The following ZNF658 variants were observed in gnomAD, a reference collection of about 807,000 sequenced individuals.
ZNF658 encodes the protein zinc finger protein 658.
Under a neutral mutation model 78.0 loss-of-function variants are expected in ZNF658, and 46 were observed. That is an observed-to-expected ratio of 0.59 (90% CI 0.47 to 0.75). The LOEUF is 0.75. ZNF658 is among the 30% of genes least tolerant of loss of function. ZNF658 has a pLI of 0.00. For missense variants in ZNF658, 785 were observed against 1,189.3 expected, an observed-to-expected ratio of 0.66 and a Z score of 5.00; for synonymous variants, 279 against 408.4, an observed-to-expected ratio of 0.68 and a Z score of 3.82.
rs771433662 is a variant in ZNF658, at chr9:66,908,718, G to A, written c.222G>A (p.Leu74=). 2 of 1,610,808 alleles carry A rather than the reference G, an allele frequency of 1.2e-6. No homozygotes were observed. The highest frequency in any genetic ancestry group is 2.7e-5 in the African/African-American group (2 of 74,694). The change falls in exon 4 of 5, where the codon CTG becomes CTA. Residue 74 remains leucine, a synonymous_variant. Transcript: ENST00000621410. ...EEPWSLEDEF[L]NQRYPGYFKV... is the part of the protein sequence containing the mutation. ...CATGGTCTTTAGAAGATGAATTCCTGAACCAGAGGTACCCAGGTGAGTGGG... is the reference window on the plus strand; with the variant it reads ...CATGGTCTTTAGAAGATGAATTCCTAAACCAGAGGTACCCAGGTGAGTGGG...
chr9:66,909,277 G>A (rs1303914249), intron 4 of ZNF658, among the ~76,000 whole-genome samples: 2 of 151,524 alleles, frequency 1.3e-5, no homozygotes, highest in Non-Finnish European at 2.9e-5. Context: ...TGCAGCCCTA[G>A]GTAACCACAG....
chr9:66,926,323 A>G (rs1189872575), downstream of ZNF658, among the ~76,000 whole-genome samples: 1 of 148,466 alleles, frequency 6.7e-6, no homozygotes, highest in Non-Finnish European at 1.5e-5. Context: ...TCTAATATAC[A>G]GAAAACTCTA....
At chr9:66,925,669 G>T (rs565742323), downstream of ZNF658, among the ~76,000 whole-genome samples, 22 of 152,126 alleles carry the variant, frequency 1.4e-4, no homozygotes, top group African/African-American at 5.1e-4. Context: ...ATTTAAAGAA[G>T]AATTAATACC....
intron 4 of ZNF658, among the ~76,000 whole-genome samples, chr9:66,917,201 G>C (rs1410160091): frequency 1.4e-5 from 1 of 73,862 alleles, no homozygotes; most frequent in Non-Finnish European, 2.6e-5. Flanking sequence ...TCGTATATTT[G>C]TATATTTGTT....
Position 66,918,899 on chromosome 9 carries a change from T to C in ZNF658, c.1333T>C (p.Cys445Arg), listed in dbSNP as rs1189439796. ...VGFKLYECNECGKAFCQNSNL... is the reference protein window; with the variant it reads ...VGFKLYECNERGKAFCQNSNL... ...ATTCAAACTTTATGAATGTAATGAA[T>C]GTGGGAAAGCTTTCTGTCAGAATTC... The change falls in exon 5 of 5, where the codon TGT becomes CGT. Residue 445 changes from cysteine to arginine, a missense_variant. Physicochemically the swap from Cys to Arg is radical, Grantham distance 180. Around this residue, in one of 12 missense-constraint regions of ZNF658, gnomAD observed 393 missense variants for 400.2 expected, o/e 0.98. Transcript: ENST00000621410. 3.2e-6 allele frequency: 5 copies of C among 1,576,724 alleles called. No individual in the cohort carries two copies. Among genetic ancestry groups the C allele is most frequent in the Non-Finnish European group, 3.5e-6 (4 of 1,158,612 alleles).
intron 6 of ZNF658, among the ~76,000 whole-genome samples, chr9:66,929,251 C>A: frequency 7.3e-6 from 1 of 136,582 alleles, no homozygotes; most frequent in Middle Eastern, 3.6e-3. Flanking sequence ...CGACCCTGAA[C>A]ACTAACCTTG....
chr9:66,930,637 G>A (rs1219961402), intron 6 of ZNF658, among the ~76,000 whole-genome samples: 5 of 151,926 alleles, frequency 3.3e-5, no homozygotes, highest in South Asian at 4.2e-4. Context: ...GTGAAATGCC[G>A]TCTCTACTAA....
Position 66,920,380 on chromosome 9 carries a change from C to A in ZNF658, c.2814C>A (p.Tyr938Ter). The change falls in exon 5 of 5, where the codon TAC becomes TAA. Residue 938 changes from tyrosine (Y) to a stop codon, truncating the protein, a stop_gained. Transcript: ENST00000621410. LOFTEE classifies it high-confidence loss of function. ...HQRVHTGEKPYECNVCGKPFA... is the reference protein window; with the variant it reads ...HQRVHTGEKP ...GAGTTCATACGGGGGAGAAACCCTA[C>A]GAATGTAATGTATGTGGGAAGCCAT... 6.2e-7 allele frequency: 1 copy of A among 1,612,922 alleles called. No homozygotes were observed. The highest frequency in any genetic ancestry group is 8.5e-7 in the Non-Finnish European group (1 of 1,179,844).
intron 4 of ZNF658, among the ~76,000 whole-genome samples, chr9:66,914,342 A>G (rs1435779359): frequency 2.6e-5 from 4 of 151,884 alleles, no homozygotes; most frequent in African/African-American, 7.2e-5. Context: ...ATAGATTTGT[A>G]TATTGGCCTT....
chr9:66,914,398 T>C (rs915162508), intron 4 of ZNF658, among the ~76,000 whole-genome samples: 4 of 152,108 alleles, frequency 2.6e-5, no homozygotes, highest in African/African-American at 9.7e-5. Flanking sequence ...AGGAACTTTT[T>C]TGATTTTAAA....
intron 4 of ZNF658, among the ~76,000 whole-genome samples, chr9:66,914,708 C>A (rs1385819182): frequency 6.6e-6 from 1 of 152,002 alleles, no homozygotes; most frequent in Non-Finnish European, 1.5e-5. Context: ...ACCTGAAATG[C>A]AGCATAAAAA....
At chr9:66,927,365 G>A (rs1216189813) in intron 6 of ZNF658, among the ~76,000 whole-genome samples, 2 of 151,884 alleles carry the variant, frequency 1.3e-5, no homozygotes, top group East Asian at 1.9e-4. Flanking sequence ...GTGTTGGAAG[G>A]GATGTGGAGA....
At chr9:66,925,528 A>T (rs2118130058), downstream of ZNF658, among the ~76,000 whole-genome samples, 1 of 152,216 alleles carries the variant, frequency 6.6e-6, no homozygotes, top group East Asian at 1.9e-4. Context: ...ACCTACCAAG[A>T]GTGCATCATG....
At chr9:66,909,601 T>G (rs1036700411) in intron 4 of ZNF658, among the ~76,000 whole-genome samples, 1 of 151,960 alleles carries the variant, frequency 6.6e-6, no homozygotes, top group Non-Finnish European at 1.5e-5. Flanking sequence ...AACTGCTGGG[T>G]CATATGGTAT....
Position 66,918,623 on chromosome 9 carries a change from G to T in ZNF658, c.1057G>T (p.Gly353Cys). 9.9e-6 allele frequency: 16 copies of T among 1,609,954 alleles called. No individual in the cohort carries two copies. Among genetic ancestry groups the T allele is most frequent in the Non-Finnish European group, 1.4e-5 (16 of 1,176,626 alleles). Reference sequence around the variant, plus strand: ...GAAAACACAAGCTGGAGATAAATTTGGTGAACATAATGAATGTACAGATGC... The same window carrying T: ...GAAAACACAAGCTGGAGATAAATTTTGTGAACATAATGAATGTACAGATGC... Reference protein sequence around the residue: ...HQKTQAGDKFGEHNECTDALY... With the variant: ...HQKTQAGDKFCEHNECTDALY... Residue 353 changes from glycine to cysteine, a missense_variant, in exon 5 of 5, where the codon GGT (glycine) becomes TGT (cysteine). Coordinates refer to ENST00000621410, the MANE Select transcript of ZNF658 (RefSeq NM_033160.7).
chr9:66,922,299 C>T (rs992092529), downstream of ZNF658, among the ~76,000 whole-genome samples: 54 of 152,206 alleles, frequency 3.5e-4, no homozygotes, highest in Middle Eastern at 3.4e-3. Context: ...TTCTGCTTCC[C>T]GGGTGAGGCA....
intron 6 of ZNF658, among the ~76,000 whole-genome samples, chr9:66,930,740 G>A (rs1158409062): frequency 6.6e-6 from 1 of 151,734 alleles, no homozygotes; most frequent in Non-Finnish European, 1.5e-5. Context: ...GACTTTGCTG[G>A]GTTTTCTTTC....
At chr9:66,928,651 G>A (rs926381629) in intron 6 of ZNF658, among the ~76,000 whole-genome samples, 1 of 149,494 alleles carries the variant, frequency 6.7e-6, no homozygotes, top group Non-Finnish European at 1.5e-5. Flanking sequence ...AGGAGATGGA[G>A]ACCATCCTGG....
Position 66,920,626 on chromosome 9 carries a change from A to G in ZNF658, c.3060A>G (p.Lys1020=). The change falls in exon 5 of 5, where the codon AAA becomes AAG. Residue 1020 remains lysine, a synonymous_variant. Coordinates refer to ENST00000621410, the MANE Select transcript of ZNF658 (RefSeq NM_033160.7). ...ACCAGAGAATTCACACAGGGGAGAA[A>G]CCCTATGAATGTGATGAATGTGGGA... ...RVHQRIHTGE[K]PYECDECGKT... The G allele has an allele frequency of 7.1e-7, 1 of 1,410,570 alleles. No individual in the cohort carries two copies. The highest frequency in any genetic ancestry group is 1.2e-5 in the South Asian group (1 of 85,706). The allele number at this position is 1,410,570 out of a possible 1,614,324, so 87.4% of individuals were successfully genotyped here. A position where few individuals can be genotyped will look rare whatever the true frequency, so the allele number is the denominator to read the frequency against.
Sources: allele counts gnomAD v4.1 joint callset (sites outside exome capture counted in the v4.1 genomes callset), GRCh38; gene constraint gnomAD v4.1.1; regional missense constraint gnomAD v4.1.1; transcripts MANE v1.5; gene names NCBI Gene and HGNC (gene_info 2026-07-23, HGNC 2026-07-21).